The following CADM1 variants were observed in gnomAD, a reference collection of about 807,000 sequenced individuals.
CADM1 encodes cell adhesion molecule 1.
CADM1 carries 15 observed loss-of-function variants against 53.1 expected under a neutral mutation model. The ratio of observed to expected loss-of-function variants is 0.28; its 90% CI spans 0.19 to 0.44. CADM1 has a LOEUF of 0.44. CADM1 is among the 20% of genes least tolerant of loss of function. The pLI is 1.00. For missense variants in CADM1, 434 were observed against 611.3 expected, an observed-to-expected ratio of 0.71 and a Z score of 3.06; for synonymous variants, 281 against 243.0, an observed-to-expected ratio of 1.16 and a Z score of -1.45.
At chr11:115,421,097 C>T (rs543377241) in intron 1 of CADM1, among the ~76,000 whole-genome samples, 70 of 152,232 alleles carry the variant, frequency 4.6e-4, no homozygotes, top group African/African-American at 1.7e-3. Flanking sequence ...TTATTTTCTA[C>T]AGTGGGTCTA....
chr11:115,317,929 T>C (rs1330410258), intron 1 of CADM1, among the ~76,000 whole-genome samples: 2 of 152,050 alleles, frequency 1.3e-5, no homozygotes, highest in Non-Finnish European at 2.9e-5. Flanking sequence ...CAACTTAGTT[T>C]CAAAATATTG....
chr11:115,490,445 C>G (rs1250708129), intron 1 of CADM1, among the ~76,000 whole-genome samples: 1 of 138,460 alleles, frequency 7.2e-6, no homozygotes, highest in Non-Finnish European at 1.5e-5. Flanking sequence ...GTCGCCCAGG[C>G]TGGAATGCAG....
chr11:115,190,370 C>T (rs1287616578), intron 10 of CADM1, among the ~76,000 whole-genome samples: 1 of 152,160 alleles, frequency 6.6e-6, no homozygotes, highest in Non-Finnish European at 1.5e-5. Context: ...AATTAGTTTA[C>T]ATCATGGTGT....
intron 9 of CADM1, 37 bp from the exon 10 acceptor site, chr11:115,190,978 C>G (rs1207425557): frequency 2.2e-5 from 34 of 1,534,200 alleles, no homozygotes; most frequent in Non-Finnish European, 3.0e-5. Context: ...CTTTTCATTC[C>G]TCGAGGGACA....
At chr11:115,285,014 C>T (rs1395763658) in intron 1 of CADM1, among the ~76,000 whole-genome samples, 3 of 152,168 alleles carry the variant, frequency 2.0e-5, no homozygotes, top group African/African-American at 7.2e-5. Flanking sequence ...TCTGACAGCT[C>T]AATCTCAATG....
intron 6 of CADM1, among the ~76,000 whole-genome samples, chr11:115,216,979 C>G (rs190001401): frequency 7.9e-5 from 12 of 152,294 alleles, no homozygotes; most frequent in African/African-American, 2.9e-4. Flanking sequence ...ACTACGGGGA[C>G]AGCAAAGGGA....
chr11:115,372,933 T>C (rs182620733), intron 1 of CADM1, among the ~76,000 whole-genome samples: 48 of 152,342 alleles, frequency 3.2e-4, no homozygotes, highest in Non-Finnish European at 1.9e-4. Flanking sequence ...TGAATTCAGG[T>C]ATGCACCTGT....
Position 115,307,098 on chromosome 11 carries a change from G to T in CADM1, c.125-66678C>A, listed in dbSNP as rs1412301473. 3.3e-5 allele frequency among the ~76,000 whole-genome samples: 5 copies of T among 151,992 alleles called. No individual in the cohort carries two copies. The South Asian group carries it at 6.2e-4, about 19-fold the overall frequency. ...TATTTCAGGCCAATCAAATGCACAT[G>T]ATATTTATAACATATATTTAAATGC... On this transcript the variant is annotated intron_variant, in intron 1 of 11. Coordinates refer to ENST00000331581, the MANE Select transcript of CADM1 (RefSeq NM_001301043.2).
chr11:115,193,757 C>G (rs1198667433), intron 9 of CADM1: 1 of 151,856 alleles, frequency 6.6e-6, no homozygotes, highest in Admixed American at 6.6e-5. Context: ...AATAAAACCT[C>G]CAGAAAACAA....
chr11:115,403,141 G>A (rs879439520), intron 1 of CADM1, among the ~76,000 whole-genome samples: 2 of 152,132 alleles, frequency 1.3e-5, no homozygotes, highest in African/African-American at 2.4e-5. Context: ...TTCCTCATAC[G>A]TTACACTGAG....
intron 1 of CADM1, among the ~76,000 whole-genome samples, chr11:115,271,866 A>G (rs1017902467): frequency 6.6e-6 from 1 of 152,200 alleles, no homozygotes; most frequent in Non-Finnish European, 1.5e-5. Context: ...GTGGTATTCC[A>G]TGTGGATATG....
chr11:115,314,297 C>T (rs1022360557), intron 1 of CADM1, among the ~76,000 whole-genome samples: 1 of 152,156 alleles, frequency 6.6e-6, no homozygotes, highest in Non-Finnish European at 1.5e-5. Flanking sequence ...AGCCACTAAA[C>T]AATTAAGTTA....
chr11:115,177,686 C>T (rs982234871), intron 11 of CADM1, among the ~76,000 whole-genome samples: 1 of 151,950 alleles, frequency 6.6e-6, no homozygotes, highest in Non-Finnish European at 1.5e-5. Context: ...AGCTTACCAC[C>T]GAGAGGCTGG....
At chr11:115,233,151 C>T (rs896582261) in intron 3 of CADM1, among the ~76,000 whole-genome samples, 3 of 151,926 alleles carry the variant, frequency 2.0e-5, no homozygotes, top group Admixed American at 6.6e-5. Context: ...GTGGTGGTGG[C>T]GGGGGGTGTA....
At chr11:115,371,456 A>C (rs1009580875) in intron 1 of CADM1, among the ~76,000 whole-genome samples, 1 of 152,138 alleles carries the variant, frequency 6.6e-6, no homozygotes, top group Admixed American at 6.6e-5. Context: ...AGAGGAGATA[A>C]ACTGGAATAA....
chr11:115,205,472 C>T (rs1940630428), intron 8 of CADM1, among the ~76,000 whole-genome samples: 1 of 152,186 alleles, frequency 6.6e-6, no homozygotes, highest in Admixed American at 6.5e-5. Context: ...CCCACCTCCT[C>T]CCGCCACCCC....
chr11:115,182,330 TC>T (rs1939351762), intron 10 of CADM1, among the ~76,000 whole-genome samples: 1 of 152,206 alleles, frequency 6.6e-6, no homozygotes, highest in Non-Finnish European at 1.5e-5. Context: ...GTTTTCTTGT[TC>T]CCTAAGAGGC....
At chr11:115,341,239 T>C (rs1461170672) in intron 1 of CADM1, among the ~76,000 whole-genome samples, 1 of 152,180 alleles carries the variant, frequency 6.6e-6, no homozygotes, top group Non-Finnish European at 1.5e-5. Context: ...CTTGAGTATA[T>C]TTCTGTTGCC....
At chr11:115,471,002 AC>A (rs1482108568) in intron 1 of CADM1, among the ~76,000 whole-genome samples, 5 of 152,144 alleles carry the variant, frequency 3.3e-5, no homozygotes, top group African/African-American at 1.2e-4. Flanking sequence ...TAACCAGGAC[AC>A]CCTCCAACAT....
Sources: gnomAD v4.1 joint callset for allele counts (sites outside exome capture counted in the v4.1 genomes callset) on GRCh38, gnomAD v4.1.1 for gene constraint, MANE v1.5 for transcripts, NCBI Gene and HGNC (gene_info 2026-07-23, HGNC 2026-07-21) for gene names.